ST3GAL4: variants seen among roughly 807,000 people sequenced by gnomAD.
The protein encoded by ST3GAL4 is CMP-N-acetylneuraminate-beta-galactosamide-alpha-2,3-sialyltransferase 4.
A neutral mutation model predicts 42.6 loss-of-function variants in ST3GAL4; 24 were observed. The ratio of observed to expected loss-of-function variants is 0.56; its 90% CI spans 0.41 to 0.79. The LOEUF is 0.79. ST3GAL4 is among the 30% of genes least tolerant of loss of function. The probability of loss-of-function intolerance (pLI) is 0.00; values close to 1 mark genes in which losing one functional copy is unlikely to be tolerated. For missense variants in ST3GAL4, 311 were observed against 430.8 expected, an observed-to-expected ratio of 0.72 and a Z score of 2.46; for synonymous variants, 135 against 163.2, an observed-to-expected ratio of 0.83 and a Z score of 1.32.
At position 126,396,779 on chromosome 11, in the gene ST3GAL4, G is replaced by A. The variant is rs1413381283; in HGVS notation, c.-60-9317G>A. On this transcript the variant is annotated intron_variant, in intron 1 of 10. Transcript: ENST00000444328. This position sits in a 1 kb window ranked among gnomAD's most constrained non-coding sequence, Gnocchi z 5.8. ...TTCCAGTGCCAGCTCCACTCCTCAC[G>A]AGCTGTACAACCTGGGCCGGTTACT... is the stretch of plus-strand genomic sequence containing the variant. Among the ~76,000 whole-genome samples the A allele has an allele frequency of 1.3e-5, 2 of 150,780 alleles. No homozygotes were observed. The highest frequency in any genetic ancestry group is 1.5e-5 in the Non-Finnish European group (1 of 67,776).
chr11:126,367,334 G>A (rs1474237333), intron 1 of ST3GAL4, among the ~76,000 whole-genome samples: 1 of 152,190 alleles, frequency 6.6e-6, no homozygotes, highest in African/African-American at 2.4e-5. Flanking sequence ...GGGCAGAGTG[G>A]GAGTGGCAGT....
rs1292480712 is a variant in ST3GAL4, at chr11:126,363,186, C to G, written c.-61+7344C>G. Among the ~76,000 whole-genome samples, 1 of 152,200 alleles carries G rather than the reference C, an allele frequency of 6.6e-6. No homozygotes were observed. Among genetic ancestry groups the G allele is most frequent in the Non-Finnish European group, 1.5e-5 (1 of 68,032 alleles). ...AGTGTGGGCCGTTTCTCTAGACCTCCTGCCCCCATCTCCTTCCTGTCCCTG... is the reference window on the plus strand; with the variant it reads ...AGTGTGGGCCGTTTCTCTAGACCTCGTGCCCCCATCTCCTTCCTGTCCCTG... On this transcript the variant is annotated intron_variant, in intron 1 of 10. Coordinates refer to ENST00000444328, the MANE Select transcript of ST3GAL4 (RefSeq NM_001254757.2). The surrounding 1 kb of genome is among the most constrained non-coding windows in gnomAD (Gnocchi z 4.6).
Position 126,397,230 on chromosome 11 carries a change from A to G in ST3GAL4, c.-60-8866A>G, listed in dbSNP as rs1953817990. ...CATCTGCTACATTCTTGGCAGTTTAATAGAATCTGGAGATACAAAGAAGTT... is the reference window on the plus strand; with the variant it reads ...CATCTGCTACATTCTTGGCAGTTTAGTAGAATCTGGAGATACAAAGAAGTT... On this transcript the variant is annotated intron_variant, in intron 1 of 10. Transcript: ENST00000444328. This position sits in a 1 kb window ranked among gnomAD's most constrained non-coding sequence, Gnocchi z 5.0. Among the ~76,000 whole-genome samples, 1 of 152,098 alleles carries G rather than the reference A, an allele frequency of 6.6e-6. No individual in the cohort carries two copies. The highest frequency in any genetic ancestry group is 2.4e-5 in the African/African-American group (1 of 41,376).
intron 1 of ST3GAL4, among the ~76,000 whole-genome samples, chr11:126,367,058 G>A (rs1475592267): frequency 6.6e-6 from 1 of 152,080 alleles, no homozygotes; most frequent in East Asian, 1.9e-4. Flanking sequence ...CTGCCTGTAG[G>A]GGGCACCGTG....
rs1591489150 is a variant in ST3GAL4 at position 126,406,826 on chromosome 11, A to G, written c.102-117A>G. ...GGTTCCAAGTGGAACTTAACTTGAG[A>G]TGATTCCTCCCCGGCACCTTGGGAC... On this transcript the variant is annotated intron_variant, in intron 3 of 10. Coordinates refer to ENST00000444328, the MANE Select transcript of ST3GAL4 (RefSeq NM_001254757.2). This position sits in a 1 kb window ranked among gnomAD's most constrained non-coding sequence, Gnocchi z 5.4. 9.5e-7 allele frequency: 1 copy of G among 1,050,040 alleles called. No individual in the cohort carries two copies. Among genetic ancestry groups the G allele is most frequent in the East Asian group, 2.4e-5 (1 of 42,212 alleles). 65.0% of individuals were successfully genotyped at this position (1,050,040 alleles called of 1,614,324 possible).
Position 126,411,015 on chromosome 11 carries a change from C to A in ST3GAL4, c.771+1604C>A, listed in dbSNP as rs1954501620. 6.6e-6 allele frequency among the ~76,000 whole-genome samples: 1 copy of A among 152,104 alleles called. No individual in the cohort carries two copies. The highest frequency in any genetic ancestry group is 6.6e-5 in the Admixed American group (1 of 15,264). The stretch of plus-strand genomic sequence containing the variant: ...CAGTACAAGTGGCGTTGAAGGGCAA[C>A]AAGGAGTTTCATGCCATTCATAGGA... On this transcript the variant is annotated intron_variant, in intron 9 of 10. Coordinates refer to ENST00000444328, the MANE Select transcript of ST3GAL4 (RefSeq NM_001254757.2). The surrounding 1 kb of genome is among the most constrained non-coding windows in gnomAD (Gnocchi z 6.3).
chr11:126,398,258 C>T lies in ST3GAL4; in HGVS notation c.-60-7838C>T, dbSNP rs937348721. 3.3e-5 allele frequency among the ~76,000 whole-genome samples: 5 copies of T among 152,190 alleles called. No individual in the cohort carries two copies. The highest frequency in any genetic ancestry group is 2.0e-4 in the Admixed American group (3 of 15,276). On this transcript the variant is annotated intron_variant, in intron 1 of 10. Transcript: ENST00000444328. This position sits in a 1 kb window ranked among gnomAD's most constrained non-coding sequence, Gnocchi z 4.7. ...ACAGGCATAGGACAGATATTCCATT[C>T]CAAAAGGGAGAGATAGGCAAGAAGA...
At position 126,386,593 on chromosome 11, in the gene ST3GAL4, G is replaced by A. The variant is rs754364871; in HGVS notation, c.-60-19503G>A. 1.1e-4 allele frequency among the ~76,000 whole-genome samples: 17 copies of A among 152,114 alleles called. No homozygotes were observed. The highest frequency in any genetic ancestry group is 2.4e-4 in the Non-Finnish European group (16 of 68,040). On this transcript the variant is annotated intron_variant, in intron 1 of 10. Transcript: ENST00000444328. This position sits in a 1 kb window ranked among gnomAD's most constrained non-coding sequence, Gnocchi z 4.7. ...TTAGAGAGGGCTGGCCAGCTGTGCCGGAATTAGGAAGTGGGTACAGCTGGA... is the reference window on the plus strand; with the variant it reads ...TTAGAGAGGGCTGGCCAGCTGTGCCAGAATTAGGAAGTGGGTACAGCTGGA...
chr11:126,374,034 C>T (rs1295860429), intron 1 of ST3GAL4, among the ~76,000 whole-genome samples: 2 of 152,016 alleles, frequency 1.3e-5, no homozygotes, highest in Non-Finnish European at 2.9e-5. Flanking sequence ...GTGCCGGGCA[C>T]TATTGTCAAC....
rs1038957409 is a variant in ST3GAL4, at chr11:126,359,700, C to T, written c.-61+3858C>T. ...ACGCTTGTCCGCTTTCTCAGCTGGG[C>T]GGGGCGGGGCAGGACAAGGTTCTTC... On this transcript the variant is annotated intron_variant, in intron 1 of 10. Transcript: ENST00000444328. The surrounding 1 kb of genome is among the most constrained non-coding windows in gnomAD (Gnocchi z 4.8). Among the ~76,000 whole-genome samples the T allele has an allele frequency of 3.3e-5, 5 of 151,248 alleles. No individual in the cohort carries two copies. The highest frequency in any genetic ancestry group is 7.4e-5 in the African/African-American group (3 of 40,630).
chr11:126,374,454 C>CAAAAAAA (rs869295718), intron 1 of ST3GAL4, among the ~76,000 whole-genome samples: 1 of 63,208 alleles, frequency 1.6e-5, no homozygotes, highest in Non-Finnish European at 3.1e-5. Flanking sequence ...ACTTTGTCTC[C>CAAAAAAA]AAAAAAAAAA....
chr11:126,408,716 G>C, intron 8 of ST3GAL4: 1 of 589,042 alleles, frequency 1.7e-6, no homozygotes, highest in Non-Finnish European at 3.0e-6. Context: ...GGCGTCAGGT[G>C]GCAGCAGCCA....
chr11:126,357,222 T>C (rs1211365901), intron 1 of ST3GAL4, among the ~76,000 whole-genome samples: 1 of 152,112 alleles, frequency 6.6e-6, no homozygotes, highest in Admixed American at 6.5e-5. Flanking sequence ...ACTGCTCCTG[T>C]GCCTGGCCCC....
Position 126,393,278 on chromosome 11 carries a change from G to A in ST3GAL4, c.-60-12818G>A, listed in dbSNP as rs1276506420. ...TGACCTGCTTGCTAACTCAAACATG[G>A]CTGCCCAACTGCGTGGGCTGGCAAG... is the stretch of plus-strand genomic sequence containing the variant. On this transcript the variant is annotated intron_variant, in intron 1 of 10. Coordinates refer to ENST00000444328, the MANE Select transcript of ST3GAL4 (RefSeq NM_001254757.2). This position sits in a 1 kb window ranked among gnomAD's most constrained non-coding sequence, Gnocchi z 5.9. The A allele has an allele frequency of 1.3e-5, 2 of 152,372 alleles. No homozygotes were observed. The highest frequency in any genetic ancestry group is 2.9e-5 in the Non-Finnish European group (2 of 68,088). 9.4% of individuals were successfully genotyped at this position (152,372 alleles called of 1,614,324 possible). A position where few individuals can be genotyped will look rare whatever the true frequency, so the allele number is the denominator to read the frequency against.
At chr11:126,368,146 CAAA>C (rs59203608) in intron 1 of ST3GAL4, among the ~76,000 whole-genome samples, 1 of 125,108 alleles carries the variant, frequency 8.0e-6, no homozygotes. Flanking sequence ...GACTGTCTCA[CAAA>C]AAAAAAAAAA....
chr11:126,407,704 T>TCCCCACC (rs1954312639), intron 6 of ST3GAL4, 70 bp downstream of exon 6: 1 of 1,120,678 alleles, frequency 8.9e-7, no homozygotes, highest in African/African-American at 2.8e-5. Flanking sequence ...CTCCCCCCAC[T>TCCCCACC]CCCCACCCCC....
rs11822130 is a variant in ST3GAL4 at position 126,369,259 on chromosome 11, G to A, written c.-61+13417G>A. On this transcript the variant is annotated intron_variant, in intron 1 of 10. Transcript: ENST00000444328. ...CTTTCTCTCTCTCTCTTTTTTTTGG[G>A]GGGGGGAGGCAGAGTTTTACTCTTG... 2.8e-4 allele frequency among the ~76,000 whole-genome samples: 43 copies of A among 151,770 alleles called. 1 individual carries two copies. The highest frequency in any genetic ancestry group is 6.2e-4 in the South Asian group (3 of 4,814).
In ST3GAL4 at chr11:126,408,124, G is replaced by C; in HGVS notation, c.367G>C (p.Val123Leu). Residue 123 changes from valine (V) to leucine (L), a missense_variant, in exon 7 of 11, where the codon GTG (valine) becomes CTG (leucine). By Grantham distance (32) the Val-to-Leu change is conservative (BLOSUM62 1). Transcript: ENST00000444328. ...CCTCAGGTGCCGCCGCTGTGTGGTCGTGGGGAACGGGCACCGGCTGCGGAA... is the reference window on the plus strand; with the variant it reads ...CCTCAGGTGCCGCCGCTGTGTGGTCCTGGGGAACGGGCACCGGCTGCGGAA... ...QSLRCRRCVV[V>L]GNGHRLRNSS... 8.1e-6 allele frequency: 13 copies of C among 1,614,112 alleles called. No homozygotes were observed. Among genetic ancestry groups the C allele is most frequent in the Non-Finnish European group, 1.1e-5 (13 of 1,180,018 alleles).
At chr11:126,374,150 G>A (rs1384042094) in intron 1 of ST3GAL4, among the ~76,000 whole-genome samples, 1 of 151,866 alleles carries the variant, frequency 6.6e-6, no homozygotes, top group Non-Finnish European at 1.5e-5. Flanking sequence ...TAGAGAAGCT[G>A]AGTAAGAGCT....
Sources: gnomAD v4.1 joint callset for allele counts (sites outside exome capture counted in the v4.1 genomes callset) on GRCh38, gnomAD v4.1.1 for gene constraint, Gnocchi (gnomAD v3.1) non-coding constraint, MANE v1.5 for transcripts, NCBI Gene and HGNC (gene_info 2026-07-23, HGNC 2026-07-21) for gene names.